KCNIP4: variants seen among roughly 807,000 people sequenced by gnomAD.
KCNIP4 encodes potassium voltage-gated channel interacting protein 4.
KCNIP4 carries 12 observed loss-of-function variants against 34.0 expected under a neutral mutation model. That is an observed-to-expected ratio of 0.35 (90% confidence interval 0.23 to 0.57). The LOEUF (loss-of-function observed/expected upper bound fraction) is 0.57, where lower values mean the gene tolerates loss of function less well. Ranked by LOEUF, KCNIP4 falls within the 20% of genes least tolerant of loss-of-function variation. The pLI, the probability that KCNIP4 is intolerant of heterozygous loss-of-function variation, is 0.83. For synonymous variants in KCNIP4, 124 were observed against 102.2 expected (o/e 1.21, Z -1.29); for missense variants, 238 against 311.7 (o/e 0.76, Z 1.78).
chr4:20,988,574 T>C (rs1029704492), intron 1 of KCNIP4, among the ~76,000 whole-genome samples: 1 of 152,294 alleles, frequency 6.6e-6, no homozygotes, highest in African/African-American at 2.4e-5. Flanking sequence ...CAAAAATAAG[T>C]GTAGCAAGAT....
At position 20,744,851 on chromosome 4, in the gene KCNIP4, A is replaced by C. The variant is rs938174968; in HGVS notation, c.429+4811T>G. On this transcript the variant is annotated intron_variant, in intron 5 of 8. Transcript: ENST00000382152. The stretch of plus-strand genomic sequence containing the variant: ...TGTTGTTTGCCTCCCTAGCCCTAGT[A>C]GGTCCCAAATTTCCATTTGGTGCTC... 2.6e-5 allele frequency among the ~76,000 whole-genome samples: 4 copies of C among 152,330 alleles called. No homozygotes were observed. In the East Asian group the frequency reaches 7.7e-4, roughly 29 times the overall value.
In KCNIP4 at chr4:21,234,026, T is replaced by C. The variant is rs185346252; in HGVS notation, c.62-351317A>G. On this transcript the variant is annotated intron_variant, in intron 1 of 8. Transcript: ENST00000382152. Reference sequence around the variant, plus strand: ...TATATAACATATATAACATATATTATATATAACATATATAACATATATAAC... The same window carrying C: ...TATATAACATATATAACATATATTACATATAACATATATAACATATATAAC... 7.1e-3 allele frequency among the ~76,000 whole-genome samples: 784 copies of C among 110,558 alleles called. 43 individuals carry two copies. The highest frequency in any genetic ancestry group is 0.045 in the African/African-American group (741 of 16,586). The allele number at this position is 110,558 out of a possible 152,430, so 72.5% of individuals were successfully genotyped here. A position where few individuals can be genotyped will look rare whatever the true frequency, so the allele number is the denominator to read the frequency against.
chr4:21,031,491 G>A (rs552951143), intron 1 of KCNIP4, among the ~76,000 whole-genome samples: 11 of 152,244 alleles, frequency 7.2e-5, no homozygotes, highest in Admixed American at 3.3e-4. Context: ...AATTCAGATT[G>A]GTAAAACAAA....
At chr4:21,308,216 C>T (rs571269887) in intron 1 of KCNIP4, among the ~76,000 whole-genome samples, 98 of 152,288 alleles carry the variant, frequency 6.4e-4, no homozygotes, top group African/African-American at 2.2e-3. Context: ...TCTTTGTCCT[C>T]GTTTGGATTA....
chr4:21,456,844 T>G (rs945068089), intron 1 of KCNIP4, among the ~76,000 whole-genome samples: 4 of 152,086 alleles, frequency 2.6e-5, no homozygotes, highest in African/African-American at 9.7e-5. Context: ...ATTAGGGTGC[T>G]CTGCATGAAT....
At chr4:21,148,011 T>C (rs1275599320) in intron 1 of KCNIP4, among the ~76,000 whole-genome samples, 1 of 126,876 alleles carries the variant, frequency 7.9e-6, no homozygotes. Flanking sequence ...ATTAAAAAAA[T>C]CAAGTACTAT....
chr4:21,884,581 T>G (rs1015052710), intron 1 of KCNIP4, among the ~76,000 whole-genome samples: 14 of 151,990 alleles, frequency 9.2e-5, no homozygotes, highest in South Asian at 2.1e-4. Context: ...ATTTTGTTAT[T>G]TACAATCATC....
At chr4:20,995,990 G>T (rs1191906564) in intron 1 of KCNIP4, among the ~76,000 whole-genome samples, 1 of 152,178 alleles carries the variant, frequency 6.6e-6, no homozygotes, top group Non-Finnish European at 1.5e-5. Context: ...AAAGTGGAAG[G>T]GTGATGTTAG....
intron 1 of KCNIP4, among the ~76,000 whole-genome samples, chr4:21,397,322 A>G (rs1723089723): frequency 6.6e-6 from 1 of 152,194 alleles, no homozygotes; most frequent in Admixed American, 6.5e-5. Flanking sequence ...AATGCCCTGG[A>G]AACACCTGGG....
chr4:21,675,991 G>A (rs1429224649), intron 1 of KCNIP4, among the ~76,000 whole-genome samples: 3 of 152,136 alleles, frequency 2.0e-5, no homozygotes, highest in Non-Finnish European at 2.9e-5. Context: ...CGACCACTAA[G>A]CTGTTCAGTA....
chr4:21,046,539 A>T (rs2149786075), intron 1 of KCNIP4, among the ~76,000 whole-genome samples: 1 of 152,276 alleles, frequency 6.6e-6, no homozygotes, highest in South Asian at 2.1e-4. Flanking sequence ...TCTATTAAAA[A>T]AAATAAAGAG....
intron 5 of KCNIP4, among the ~76,000 whole-genome samples, chr4:20,745,558 T>C (rs1752239335): frequency 6.6e-6 from 1 of 152,208 alleles, no homozygotes; most frequent in South Asian, 2.1e-4. Context: ...CTTTGCACAA[T>C]TACTTTACTT....
intron 2 of KCNIP4, among the ~76,000 whole-genome samples, chr4:20,857,171 C>T (rs1322739309): frequency 5.3e-5 from 8 of 151,916 alleles, no homozygotes; most frequent in Admixed American, 5.3e-4. Context: ...AGGCGGGTGA[C>T]AGGCTCTAAA....
intron 1 of KCNIP4, among the ~76,000 whole-genome samples, chr4:21,472,411 A>G (rs1730547781): frequency 6.6e-6 from 1 of 152,088 alleles, no homozygotes; most frequent in Non-Finnish European, 1.5e-5. Flanking sequence ...GAGAAAACCA[A>G]TTTCATTATG....
In KCNIP4 at chr4:21,335,088, A is replaced by G. The variant is rs929991910; in HGVS notation, c.62-452379T>C. Among the ~76,000 whole-genome samples, 8 of 152,212 alleles carry G rather than the reference A, an allele frequency of 5.3e-5. No individual in the cohort carries two copies. The East Asian group carries it at 1.4e-3, about 26-fold the overall frequency. ...AAAGACCCCAGTGCAACTTGTTGGA[A>G]GTGGGTAGAGTTCTAATTCCAACTC... On this transcript the variant is annotated intron_variant, in intron 1 of 8. Coordinates refer to ENST00000382152, the MANE Select transcript of KCNIP4 (RefSeq NM_025221.6).
At chr4:21,128,844 C>A (rs1290870622) in intron 1 of KCNIP4, among the ~76,000 whole-genome samples, 1 of 152,196 alleles carries the variant, frequency 6.6e-6, no homozygotes. Context: ...GTGTTAAGAA[C>A]TGAATTCTGT....
intron 1 of KCNIP4, among the ~76,000 whole-genome samples, chr4:21,379,199 A>C (rs1020366780): frequency 6.6e-6 from 1 of 152,178 alleles, no homozygotes; most frequent in African/African-American, 2.4e-5. Context: ...TAACCTGCTG[A>C]ATAGTATCTC....
chr4:21,767,797 C>G (rs1041068983), intron 1 of KCNIP4, among the ~76,000 whole-genome samples: 3 of 151,944 alleles, frequency 2.0e-5, no homozygotes, highest in Non-Finnish European at 4.4e-5. Context: ...TACCTGAAAG[C>G]AAGCATCAAA....
At chr4:20,956,146 C>T (rs1437349488) in intron 1 of KCNIP4, among the ~76,000 whole-genome samples, 7 of 152,182 alleles carry the variant, frequency 4.6e-5, no homozygotes, top group African/African-American at 1.4e-4. Flanking sequence ...ATTATATGGG[C>T]ATTCAATAAA....
Sources: gnomAD v4.1 joint callset for allele counts (sites outside exome capture counted in the v4.1 genomes callset) on GRCh38, gnomAD v4.1.1 for gene constraint, MANE v1.5 for transcripts, NCBI Gene and HGNC (gene_info 2026-07-23, HGNC 2026-07-21) for gene names.